The following EP400 variants were observed in gnomAD, a reference collection of about 807,000 sequenced individuals.
EP400 encodes the protein E1A binding protein p400.
EP400 carries 105 observed loss-of-function variants against 354.1 expected under a neutral mutation model. The ratio of observed to expected loss-of-function variants is 0.30; its 90% CI spans 0.25 to 0.35. The LOEUF is 0.35. EP400 is among the 10% of genes least tolerant of loss of function. The pLI, the probability that EP400 is intolerant of heterozygous loss-of-function variation, is 1.00. For missense variants in EP400, 3,280 were observed against 4,121.0 expected (o/e 0.80, Z 5.59); for synonymous variants, 1,646 against 1,716.9 (o/e 0.96, Z 1.02).
Position 132,062,291 on chromosome 12 carries a change from C to T in EP400, c.8066C>T (p.Pro2689Leu), listed in dbSNP as rs763333805. 4.3e-5 allele frequency: 70 copies of T among 1,614,194 alleles called. No individual in the cohort carries two copies. Among genetic ancestry groups the T allele is most frequent in the Non-Finnish European group, 5.2e-5 (61 of 1,180,036 alleles). Residue 2689 changes from proline to leucine, a missense_variant, in exon 46 of 53, where the codon CCG becomes CTG. Transcript: ENST00000389561. The part of the protein sequence containing the change: ...VTTNLTPVQT[P>L]ARSLVPQVSQ... ...ACCAACCTGACCCCAGTGCAGACCC[C>T]GGCACGGTCTTTGGTGCCCCAAGTG...
chr12:132,045,497 C>G lies in EP400; in HGVS notation c.6963C>G (p.Pro2321=), dbSNP rs761771367. 6.2e-7 allele frequency: 1 copy of G among 1,614,206 alleles called. No homozygotes were observed. Among genetic ancestry groups the G allele is most frequent in the Non-Finnish European group, 8.5e-7 (1 of 1,180,034 alleles). Residue 2321 remains proline, a synonymous_variant, in exon 38 of 53, where the codon CCC becomes CCG. Coordinates refer to ENST00000389561, the MANE Select transcript of EP400 (RefSeq NM_015409.5). ...FAKPLPTFAK[P]TAEPGQDNPE... ...AGCCCCTGCCAACTTTTGCCAAACC[C>G]ACAGCTGAGCCTGGTCAAGACAACC...
At chr12:132,010,227 C>T (rs1418748167) in intron 15 of EP400, among the ~76,000 whole-genome samples, 1 of 151,888 alleles carries the variant, frequency 6.6e-6, no homozygotes, top group Non-Finnish European at 1.5e-5. Context: ...GCTGGGATTA[C>T]AGGCACACGC....
chr12:132,050,067 T>C lies in EP400; in HGVS notation c.7201-256T>C, dbSNP rs1352967286. Among the ~76,000 whole-genome samples, 2 of 152,158 alleles carry C rather than the reference T, an allele frequency of 1.3e-5. No individual in the cohort carries two copies. The highest frequency in any genetic ancestry group is 2.9e-5 in the Non-Finnish European group (2 of 68,018). ...TGTTCCCTCTCCCTCTTGGGGTGAT[T>C]ATGGGGCTTACGTGAGAGAACACCT... On this transcript the variant is annotated intron_variant, in intron 39 of 52. Coordinates refer to ENST00000389561, the MANE Select transcript of EP400 (RefSeq NM_015409.5). This position sits in a 1 kb window ranked among gnomAD's most constrained non-coding sequence, Gnocchi z 4.8.
At chr12:132,057,959 G>C (rs1895565819) in intron 45 of EP400, among the ~76,000 whole-genome samples, 1 of 152,234 alleles carries the variant, frequency 6.6e-6, no homozygotes, top group Non-Finnish European at 1.5e-5. Flanking sequence ...CCAAGACACA[G>C]TGTGCTTTCA....
chr12:132,021,270 G>T lies in EP400; in HGVS notation c.4639G>T (p.Ala1547Ser). 1 of 1,532,142 alleles carries T rather than the reference G, an allele frequency of 6.5e-7. No homozygotes were observed. The highest frequency in any genetic ancestry group is 1.4e-5 in the African/African-American group (1 of 72,880). The allele number at this position is 1,532,142 out of a possible 1,614,324, so 94.9% of individuals were successfully genotyped here. A position where few individuals can be genotyped will look rare whatever the true frequency, so the allele number is the denominator to read the frequency against. Reference sequence around the variant, plus strand: ...CCCCTCGCACGCGGCCGGGCAGAGCGCGCTGCCTCAGAGGCTGGTGCTCCC... The same window carrying T: ...CCCCTCGCACGCGGCCGGGCAGAGCTCGCTGCCTCAGAGGCTGGTGCTCCC... ...QAPSHAAGQS[A>S]LPQRLVLPSQ... The change falls in exon 23 of 53, where the codon GCG (alanine) becomes TCG (serine). Residue 1547 changes from alanine to serine, a missense_variant. Ala to Ser is a moderately conservative substitution (Grantham distance 99, BLOSUM62 1). This residue lies in a region of EP400 where 342 missense variants were observed against 342.7 expected (regional missense o/e 1.00). Transcript: ENST00000389561.
intron 42 of EP400, 55 bp downstream of exon 42, chr12:132,053,279 A>G: frequency 1.2e-6 from 2 of 1,609,620 alleles, no homozygotes; most frequent in Non-Finnish European, 1.7e-6. Flanking sequence ...CTGTGACTTC[A>G]TCCAGGGGGT....
intron 22 of EP400, among the ~76,000 whole-genome samples, chr12:132,020,711 C>T (rs1244356874): frequency 6.6e-6 from 1 of 152,222 alleles, no homozygotes; most frequent in East Asian, 1.9e-4. Context: ...CTCAGACCTG[C>T]ATTGTTGCCA....
rs76148638 is a variant in EP400 at position 132,042,058 on chromosome 12, C to T, written c.6208-1246C>T. ...CCTCCACCTCCCAGGTCAAAGTGAT[C>T]CTCCAGCTCAGCTTCCCAAGTAGCT... On this transcript the variant is annotated intron_variant, in intron 32 of 52. Transcript: ENST00000389561. Among the ~76,000 whole-genome samples the T allele has an allele frequency of 7.1e-3, 1,082 of 151,330 alleles. 35 individuals are homozygous for T. The South Asian group carries it at 0.094, about 13-fold the overall frequency.
chr12:131,987,459 G>A (rs930007420), intron 6 of EP400, among the ~76,000 whole-genome samples: 2 of 152,142 alleles, frequency 1.3e-5, no homozygotes, highest in Admixed American at 1.3e-4. Context: ...AGCTGGGGCA[G>A]GACTATTGCT....
In EP400 at chr12:132,067,188, G is replaced by GAA; in HGVS notation, c.8750-174_8750-173insAA. On this transcript the variant is annotated intron_variant, in intron 49 of 52. Transcript: ENST00000389561. The surrounding 1 kb of genome is among the most constrained non-coding windows in gnomAD (Gnocchi z 5.3). ...TTCTGAAATTTCCGTCTTAATTTAA[G>GAA]TGTAATTTGTGAACCCAGAAACATT... The GAA allele has an allele frequency of 8.5e-7, 1 of 1,174,846 alleles. No homozygotes were observed. The highest frequency in any genetic ancestry group is 1.2e-6 in the Non-Finnish European group (1 of 839,856). The allele number at this position is 1,174,846 out of a possible 1,614,324, so 72.8% of individuals were successfully genotyped here. A position where few individuals can be genotyped will look rare whatever the true frequency, so the allele number is the denominator to read the frequency against.
At chr12:132,024,085 T>C in intron 24 of EP400, 144 bp downstream of exon 24, 3 of 943,626 alleles carry the variant, frequency 3.2e-6, no homozygotes, top group Non-Finnish European at 4.4e-6. Flanking sequence ...CATGGGTTCA[T>C]GGAAGACCAG....
chr12:131,968,763 C>T (rs1052698060), intron 2 of EP400, among the ~76,000 whole-genome samples: 8 of 152,114 alleles, frequency 5.3e-5, no homozygotes, highest in Non-Finnish European at 1.0e-4. Context: ...CATTTTGTAA[C>T]TTTCAGCATA....
rs763825487 is a variant in EP400, at chr12:132,029,910, G to A, written c.5584+7G>A. The A allele has an allele frequency of 4.3e-5, 70 of 1,611,684 alleles. No individual in the cohort carries two copies. The East Asian group carries it at 6.7e-4, about 15-fold the overall frequency. On this transcript the variant is annotated splice_region_variant and intron_variant, in intron 28 of 52. Transcript: ENST00000389561. The surrounding 1 kb of genome is among the most constrained non-coding windows in gnomAD (Gnocchi z 4.7). ...CTGGTGCAGTTCGACTCAGGTATGC[G>A]GCAGTTGGGGGCGTGGCCCGTGCGG...
In EP400 at chr12:131,987,829, T is replaced by TG; in HGVS notation, c.2349dup (p.Gln784AlafsTer23). On this transcript the variant is annotated frameshift_variant, in exon 7 of 53. Transcript: ENST00000389561. LOFTEE classifies it high-confidence loss of function. ...CACTGGGACTATCTGCTGGAGGAGATGCAGTGGATGGCCACAGACTTTGCC... is the reference window on the plus strand; with the variant it reads ...CACTGGGACTATCTGCTGGAGGAGATGGCAGTGGATGGCCACAGACTTTGCC... 6.2e-7 allele frequency: 1 copy of TG among 1,613,650 alleles called. No individual in the cohort carries two copies. Among genetic ancestry groups the TG allele is most frequent in the Non-Finnish European group, 8.5e-7 (1 of 1,179,880 alleles).
rs1027052880 is a variant in EP400, at chr12:132,025,392, C to T, written c.4856-254C>T. 2.6e-5 allele frequency among the ~76,000 whole-genome samples: 4 copies of T among 152,220 alleles called. No individual in the cohort carries two copies. Among genetic ancestry groups the T allele is most frequent in the African/African-American group, 9.7e-5 (4 of 41,450 alleles). ...TCCTCAGCAGCTGTGTGTCACCCAC[C>T]TTCCATGAGGGACAGAGGGTAGATG... On this transcript the variant is annotated intron_variant, in intron 24 of 52. Transcript: ENST00000389561. The surrounding 1 kb of genome is among the most constrained non-coding windows in gnomAD (Gnocchi z 4.1).
Position 132,013,110 on chromosome 12 carries a change from C to A in EP400, c.3543C>A (p.Val1181=), listed in dbSNP as rs1295741179. The part of the protein sequence containing the change: ...AFTRVRWKCL[V]IDEMQRVKGM... ...CACGAGTGCGCTGGAAGTGCCTGGT[C>A]ATTGATGAGATGCAGCGCGTGAAGG... The change falls in exon 17 of 53, where the codon GTC becomes GTA. Residue 1181 remains valine (V), a synonymous_variant. Transcript: ENST00000389561. The surrounding 1 kb of genome is among the most constrained non-coding windows in gnomAD (Gnocchi z 4.5). The A allele has an allele frequency of 6.2e-7, 1 of 1,614,118 alleles. No homozygotes were observed. Among genetic ancestry groups the A allele is most frequent in the Admixed American group, 1.7e-5 (1 of 60,022 alleles).
intron 12 of EP400, among the ~76,000 whole-genome samples, chr12:132,000,160 G>T (rs574569317): frequency 6.6e-6 from 1 of 151,650 alleles, no homozygotes; most frequent in Non-Finnish European, 1.5e-5. Flanking sequence ...TACTGCTTTA[G>T]CTGAATATCA....
In EP400 at chr12:132,018,414, C is replaced by T; in HGVS notation, c.4277+38C>T. Reference sequence around the variant, plus strand: ...CAGAGGCAGCGGGGAGGGTTGGCTCCCAGGGCCCCCACAGCTGACCCAGGT... The same window carrying T: ...CAGAGGCAGCGGGGAGGGTTGGCTCTCAGGGCCCCCACAGCTGACCCAGGT... On this transcript the variant is annotated intron_variant, in intron 21 of 52. Transcript: ENST00000389561. This position sits in a 1 kb window ranked among gnomAD's most constrained non-coding sequence, Gnocchi z 4.0. The T allele has an allele frequency of 6.4e-7, 1 of 1,565,280 alleles. No individual in the cohort carries two copies. The highest frequency in any genetic ancestry group is 8.6e-7 in the Non-Finnish European group (1 of 1,161,326).
At position 132,001,204 on chromosome 12, in the gene EP400, C is replaced by T. The variant is rs372772873; in HGVS notation, c.2828-3873C>T. Reference sequence around the variant, plus strand: ...AAGACGCGGAGACTGGTAGTGGCCCCGAATGTCTGGCTGCGCTATTATTTA... The same window carrying T: ...AAGACGCGGAGACTGGTAGTGGCCCTGAATGTCTGGCTGCGCTATTATTTA... On this transcript the variant is annotated intron_variant, in intron 12 of 52. Coordinates refer to ENST00000389561, the MANE Select transcript of EP400 (RefSeq NM_015409.5). Among the ~76,000 whole-genome samples, 111 of 151,892 alleles carry T rather than the reference C, an allele frequency of 7.3e-4. No homozygotes were observed. In the Middle Eastern group the frequency reaches 0.027, roughly 37 times the overall value.
Sources: gnomAD v4.1 joint callset for allele counts (sites outside exome capture counted in the v4.1 genomes callset) on GRCh38, gnomAD v4.1.1 for gene constraint, gnomAD v4.1.1 regional missense constraint, Gnocchi (gnomAD v3.1) non-coding constraint, MANE v1.5 for transcripts, NCBI Gene and HGNC (gene_info 2026-07-23, HGNC 2026-07-21) for gene names.